CELF2: variants seen among roughly 807,000 people sequenced by gnomAD.
CELF2 encodes the protein CUGBP Elav-like family member 2, also known as CUG triplet repeat RNA-binding protein 2.
CELF2 carries 8 observed loss-of-function variants against 62.6 expected under a neutral mutation model. The observed-to-expected ratio is 0.13, with a 90% confidence interval of 0.07 to 0.23. The LOEUF is 0.23. Ranked by LOEUF, CELF2 falls within the 10% of genes least tolerant of loss-of-function variation. CELF2 has a pLI of 1.00. For synonymous variants in CELF2, 258 were observed against 250.0 expected, an observed-to-expected ratio of 1.03 and a Z score of -0.30; for missense variants, 333 against 671.0, an observed-to-expected ratio of 0.50 and a Z score of 5.56.
At chr10:11,036,342 T>C (rs911087914) in intron 1 of CELF2, among the ~76,000 whole-genome samples, 1 of 152,228 alleles carries the variant, frequency 6.6e-6, no homozygotes, top group Non-Finnish European at 1.5e-5. Context: ...ATTACTTTGC[T>C]TCCAGGCTTT....
At chr10:11,021,520 G>A (rs1267663381) in intron 1 of CELF2, among the ~76,000 whole-genome samples, 2 of 152,150 alleles carry the variant, frequency 1.3e-5, no homozygotes, top group Non-Finnish European at 2.9e-5. Flanking sequence ...CTGTTAGAGG[G>A]GCAGTGTGAC....
Position 11,234,401 on chromosome 10 carries a change from G to A in CELF2, c.355-14752G>A, listed in dbSNP as rs190566197. ...TCAACATAAAAAAAATTCAAGTTCT[G>A]GCTGGGCGCGGTGGCTCACGCCTAT... On this transcript the variant is annotated intron_variant, in intron 3 of 12. Transcript: ENST00000633077. Among the ~76,000 whole-genome samples, 243 of 152,292 alleles carry A rather than the reference G, an allele frequency of 1.6e-3. 3 individuals are homozygous for A. Among genetic ancestry groups the A allele is most frequent in the Non-Finnish European group, 1.7e-3 (116 of 68,018 alleles).
At chr10:11,115,009 A>G (rs868476862) in intron 1 of CELF2, among the ~76,000 whole-genome samples, 2 of 152,206 alleles carry the variant, frequency 1.3e-5, no homozygotes, top group Non-Finnish European at 2.9e-5. Context: ...GCCTCAATAA[A>G]CATTTTTGCA....
chr10:11,276,812 C>T (rs887313818), intron 8 of CELF2, among the ~76,000 whole-genome samples: 5 of 152,176 alleles, frequency 3.3e-5, no homozygotes, highest in Admixed American at 3.3e-4. Flanking sequence ...GTGCCTGTGC[C>T]GCACCAGCCA....
intron 1 of CELF2, among the ~76,000 whole-genome samples, chr10:10,911,797 G>A (rs1250643254): frequency 2.0e-5 from 3 of 152,338 alleles, no homozygotes; most frequent in East Asian, 1.9e-4. Context: ...GGAACTTACA[G>A]GAGCGCTCTT....
chr10:10,484,575 C>T, the CELF2 span, among the ~76,000 whole-genome samples: 1 of 151,426 alleles, frequency 6.6e-6, no homozygotes, highest in African/African-American at 2.4e-5. Flanking sequence ...CCTCGGTCTC[C>T]CAAAGTGCTG....
rs2055007830 is a variant in CELF2 at position 11,110,990 on chromosome 10, A to T, written c.75-54496A>T. Among the ~76,000 whole-genome samples, 1 of 152,190 alleles carries T rather than the reference A, an allele frequency of 6.6e-6. No homozygotes were observed. Among genetic ancestry groups the T allele is most frequent in the African/African-American group, 2.4e-5 (1 of 41,440 alleles). ...GGGAGAAGGGTTATAAGGTTGGAAG[A>T]TAATCAGCTCAGCCTCTCCCACTCT... On this transcript the variant is annotated intron_variant, in intron 1 of 12. Transcript: ENST00000633077. This position sits in a 1 kb window ranked among gnomAD's most constrained non-coding sequence, Gnocchi z 4.0.
intron 2 of CELF2, among the ~76,000 whole-genome samples, chr10:10,961,619 G>T (rs1452740982): frequency 1.3e-5 from 2 of 151,790 alleles, no homozygotes; most frequent in Non-Finnish European, 2.9e-5. Flanking sequence ...GGTAGTGGGC[G>T]CCTATAATCC....
the CELF2 span, among the ~76,000 whole-genome samples, chr10:10,484,752 G>A: frequency 6.6e-6 from 1 of 151,978 alleles, no homozygotes; most frequent in Non-Finnish European, 1.5e-5. Flanking sequence ...AATAGATGAT[G>A]AACCTAAAAA....
intron 1 of CELF2, among the ~76,000 whole-genome samples, chr10:10,803,105 C>T (rs1436242602): frequency 2.0e-5 from 3 of 152,158 alleles, no homozygotes; most frequent in Non-Finnish European, 2.9e-5. Flanking sequence ...TTTTTTCCAC[C>T]TTCCATTGAT....
chr10:10,736,690 G>A, the CELF2 span, among the ~76,000 whole-genome samples: 1 of 151,950 alleles, frequency 6.6e-6, no homozygotes, highest in South Asian at 2.1e-4. Flanking sequence ...GAAAAAAAAT[G>A]TCAGAGCTAA....
At chr10:10,676,112 C>T in the CELF2 span, among the ~76,000 whole-genome samples, 1 of 152,136 alleles carries the variant, frequency 6.6e-6, no homozygotes. Flanking sequence ...GAGAAGCATT[C>T]TGTGGCCTTA....
At chr10:10,787,103 T>C in the CELF2 span, among the ~76,000 whole-genome samples, 3 of 152,188 alleles carry the variant, frequency 2.0e-5, no homozygotes. Flanking sequence ...TATTCAGTTA[T>C]AAAAAGTTCC....
At chr10:10,991,349 C>A (rs565195447) in intron 2 of CELF2, among the ~76,000 whole-genome samples, 2 of 152,284 alleles carry the variant, frequency 1.3e-5, no homozygotes, top group East Asian at 3.9e-4. Flanking sequence ...ATTCTGATGA[C>A]AGGCCTATGA....
chr10:11,317,877 T>G (rs569268468), intron 10 of CELF2: 1 of 152,340 alleles, frequency 6.6e-6, no homozygotes, highest in East Asian at 1.9e-4. Context: ...GCCGCACCTG[T>G]CACTTGCTTC....
chr10:11,165,053 G>A lies in CELF2; in HGVS notation c.75-433G>A. ...CAAAAAGGGCGGTGGGGCGGGGGGC[G>A]GGGCAGGGAGAGGGAGAGAAATCCA... On this transcript the variant is annotated intron_variant, in intron 1 of 12. Transcript: ENST00000633077. This position sits in a 1 kb window ranked among gnomAD's most constrained non-coding sequence, Gnocchi z 7.4. The A allele has an allele frequency of 5.8e-6, 2 of 342,464 alleles. No individual in the cohort carries two copies. The highest frequency in any genetic ancestry group is 8.1e-6 in the Non-Finnish European group (2 of 246,574). The allele number at this position is 342,464 out of a possible 1,614,324, so 21.2% of individuals were successfully genotyped here.
chr10:11,229,397 G>A (rs2067780334), intron 3 of CELF2, among the ~76,000 whole-genome samples: 2 of 147,894 alleles, frequency 1.4e-5, no homozygotes, highest in African/African-American at 5.4e-5. Context: ...GATATGTGCA[G>A]TAGATGAACT....
rs887832182 is a variant in CELF2, at chr10:10,990,458, G to A, written c.89+70459G>A. Among the ~76,000 whole-genome samples, 4 of 152,046 alleles carry A rather than the reference G, an allele frequency of 2.6e-5. No individual in the cohort carries two copies. Among genetic ancestry groups the A allele is most frequent in the African/African-American group, 9.7e-5 (4 of 41,416 alleles). ...TCTGTGTTTCTGAGCATTATTATGA[G>A]CATGAATTGCTTTTGTAATCATTAA... On this transcript the variant is annotated intron_variant, in intron 2 of 13. Coordinates refer to the CELF2 transcript ENST00000636488. This position sits in a 1 kb window ranked among gnomAD's most constrained non-coding sequence, Gnocchi z 4.6.
intron 1 of CELF2, among the ~76,000 whole-genome samples, chr10:11,161,985 A>G (rs2065830227): frequency 6.6e-6 from 1 of 152,208 alleles, no homozygotes; most frequent in Admixed American, 6.5e-5. Flanking sequence ...CTCCGCTAAA[A>G]ATGAGCATCA....
Sources: allele counts gnomAD v4.1 joint callset (sites outside exome capture counted in the v4.1 genomes callset), GRCh38; gene constraint gnomAD v4.1.1; non-coding constraint Gnocchi (gnomAD v3.1); transcripts MANE v1.5; gene names NCBI Gene and HGNC (gene_info 2026-07-23, HGNC 2026-07-21).